Variants in EPC1 observed in about 807,000 individuals in gnomAD.
EPC1 encodes enhancer of polycomb homolog 1.
In EPC1, 12 loss-of-function variants were observed where a neutral mutation model predicts 98.4. The ratio of observed to expected loss-of-function variants is 0.12; its 90% CI spans 0.08 to 0.20. The LOEUF is 0.20. Among genes scored for constraint, EPC1 ranks in the 10% least tolerant of loss-of-function variants. The pLI is 1.00. For synonymous variants in EPC1, 357 were observed against 363.9 expected (o/e 0.98, Z 0.21); for missense variants, 729 against 990.5 (o/e 0.74, Z 3.54).
intron 1 of EPC1, among the ~76,000 whole-genome samples, chr10:32,323,132 T>A (rs961260734): frequency 2.0e-5 from 3 of 152,144 alleles, no homozygotes; most frequent in Non-Finnish European, 4.4e-5. Context: ...GTATCCATAA[T>A]TTTTTTAAAA....
At chr10:32,338,354 C>T (rs921452304) in intron 1 of EPC1, among the ~76,000 whole-genome samples, 2 of 152,176 alleles carry the variant, frequency 1.3e-5, no homozygotes, top group Non-Finnish European at 2.9e-5. Flanking sequence ...CTAGCACCAA[C>T]CCTACTTAAA....
Position 32,301,344 on chromosome 10 carries a change from G to T in EPC1, c.313+4428C>A, listed in dbSNP as rs1417294497. On this transcript the variant is annotated intron_variant, in intron 2 of 13. Transcript: ENST00000319778. Reference sequence around the variant, plus strand: ...TGACCTGGAAGATTCACATAGAAAAGATGTCAGTTCTCTCTAAATTGACCT... The same window carrying T: ...TGACCTGGAAGATTCACATAGAAAATATGTCAGTTCTCTCTAAATTGACCT... Among the ~76,000 whole-genome samples, 12 of 152,282 alleles carry T rather than the reference G, an allele frequency of 7.9e-5. No homozygotes were observed. In the East Asian group the frequency reaches 1.7e-3, roughly 22 times the overall value.
At chr10:32,337,516 T>C (rs1377211443) in intron 1 of EPC1, among the ~76,000 whole-genome samples, 1 of 152,152 alleles carries the variant, frequency 6.6e-6, no homozygotes, top group African/African-American at 2.4e-5. Flanking sequence ...CTGAATTCTG[T>C]TTCTTCAACT....
intron 1 of EPC1, among the ~76,000 whole-genome samples, chr10:32,314,677 A>T (rs1485170566): frequency 1.3e-5 from 2 of 152,232 alleles, no homozygotes; most frequent in Non-Finnish European, 2.9e-5. Flanking sequence ...CTAACACAAA[A>T]GGGTAAGCCT....
chr10:32,369,015 G>T (rs1048336617), intron 1 of EPC1, among the ~76,000 whole-genome samples: 1 of 152,334 alleles, frequency 6.6e-6, no homozygotes, highest in East Asian at 1.9e-4. Context: ...TGTACTTCAA[G>T]TGTTCTCCTA....
At chr10:32,279,141 G>A (rs1363806922) in intron 10 of EPC1, among the ~76,000 whole-genome samples, 1 of 152,042 alleles carries the variant, frequency 6.6e-6, no homozygotes, top group African/African-American at 2.4e-5. Context: ...ACAAGGTCAG[G>A]AGTTCGAGAC....
chr10:32,360,173 T>C (rs1839402161), intron 1 of EPC1, among the ~76,000 whole-genome samples: 1 of 152,264 alleles, frequency 6.6e-6, no homozygotes. Context: ...TTAGTAATTT[T>C]GTATCATTCC....
At chr10:32,367,704 T>G (rs1423730079) in intron 1 of EPC1, among the ~76,000 whole-genome samples, 2 of 152,234 alleles carry the variant, frequency 1.3e-5, no homozygotes, top group Admixed American at 6.5e-5. Context: ...AATTGAAATG[T>G]ACACATTTGT....
intron 1 of EPC1, among the ~76,000 whole-genome samples, chr10:32,363,356 C>T (rs1214067302): frequency 6.6e-6 from 1 of 152,216 alleles, no homozygotes; most frequent in Non-Finnish European, 1.5e-5. Flanking sequence ...ACTGGGACCG[C>T]AAGCTTGAGC....
At chr10:32,376,879 G>C (rs927667827) in intron 1 of EPC1, among the ~76,000 whole-genome samples, 1 of 151,964 alleles carries the variant, frequency 6.6e-6, no homozygotes, top group African/African-American at 2.4e-5. Context: ...AAAAAAATAC[G>C]CTTTAGGGTT....
In EPC1 at chr10:32,346,877, G is replaced by C. The variant is rs752122626; in HGVS notation, c.39C>G (p.Ala13=). ...AGCGGAAAACCGGCAGCGGCTTCGA[G>C]GCGTCTAGCGCCCGCGCCCGAAACG... The part of the protein sequence containing the change: ...KLSFRARALD[A]SKPLPVFRCE... Residue 13 remains alanine (A), a synonymous_variant, in exon 1 of 14, where the codon GCC becomes GCG. Coordinates refer to ENST00000319778, the MANE Select transcript of EPC1 (RefSeq NM_001272004.3). 4 of 1,614,004 alleles carry C rather than the reference G, an allele frequency of 2.5e-6. No individual in the cohort carries two copies. Among genetic ancestry groups the C allele is most frequent in the East Asian group, 4.5e-5 (2 of 44,870 alleles).
rs114356092 is a variant in EPC1, at chr10:32,328,662, A to T, written c.153+18101T>A. Among the ~76,000 whole-genome samples, 524 of 152,296 alleles carry T rather than the reference A, an allele frequency of 3.4e-3. 6 individuals are homozygous for T. The highest frequency in any genetic ancestry group is 0.012 in the African/African-American group (517 of 41,560). On this transcript the variant is annotated intron_variant, in intron 1 of 13. Transcript: ENST00000319778. Reference sequence around the variant, plus strand: ...TGGCCTGGGGAGTTCCCCACCAGGGAGCAGACCTAGTGCTGAAACCAGCAC... The same window carrying T: ...TGGCCTGGGGAGTTCCCCACCAGGGTGCAGACCTAGTGCTGAAACCAGCAC...
At chr10:32,349,190 A>G, upstream of EPC1, among the ~76,000 whole-genome samples, 1 of 152,226 alleles carries the variant, frequency 6.6e-6, no homozygotes. Context: ...TAGCAGTAGA[A>G]TTCATAATTG....
Position 32,286,747 on chromosome 10 carries a change from G to A in EPC1, c.1338C>T (p.Thr446=), listed in dbSNP as rs771837672. Reference sequence around the variant, plus strand: ...CAAATCCAATACACCTTTGGGGTACGGTGAGAGTAGTTAAGCAGTATCTAT... The same window carrying A: ...CAAATCCAATACACCTTTGGGGTACAGTGAGAGTAGTTAAGCAGTATCTAT... ...VRYRYCLTTL[T]VPQRCIGFAR... Residue 446 remains threonine, a synonymous_variant, in exon 9 of 14, where the codon ACC becomes ACT. Coordinates refer to ENST00000319778, the MANE Select transcript of EPC1 (RefSeq NM_001272004.3). 56 of 1,613,870 alleles carry A rather than the reference G, an allele frequency of 3.5e-5. No homozygotes were observed. Among genetic ancestry groups the A allele is most frequent in the Non-Finnish European group, 4.3e-5 (51 of 1,180,016 alleles).
At chr10:32,339,431 G>A (rs1838189238) in intron 1 of EPC1, among the ~76,000 whole-genome samples, 1 of 152,074 alleles carries the variant, frequency 6.6e-6, no homozygotes, top group Non-Finnish European at 1.5e-5. Flanking sequence ...TGTAGCCCCA[G>A]CTACTCAGGA....
Position 32,286,927 on chromosome 10 carries a change from G to A in EPC1, c.1241C>T (p.Ala414Val). 1 of 1,612,960 alleles carries A rather than the reference G, an allele frequency of 6.2e-7. No individual in the cohort carries two copies. ...FRRKAGCQYY[A>V]PHLDQTGNWP... ...TTACAAAGACACTCTGAAACTTACA[G>A]CATAGTACTGACAGCCTGCTTTCCT... is the stretch of plus-strand genomic sequence containing the variant. The change falls in exon 8 of 14, where the codon GCT (alanine) becomes GTT (valine). Residue 414 changes from alanine to valine, a missense_variant and splice_region_variant. By Grantham distance (64) the Ala-to-Val change is moderately conservative. Around this residue, in one of 6 missense-constraint regions of EPC1, gnomAD observed 390 missense variants for 438.6 expected, o/e 0.89. Coordinates refer to ENST00000319778, the MANE Select transcript of EPC1 (RefSeq NM_001272004.3).
At chr10:32,293,917 GA>G (rs1592558965) in intron 2 of EPC1, among the ~76,000 whole-genome samples, 180 bp from the exon 3 acceptor site, 1 of 152,130 alleles carries the variant, frequency 6.6e-6, no homozygotes, top group Non-Finnish European at 1.5e-5. Flanking sequence ...TAAAGTTAAA[GA>G]AAGGAGATTA....
At chr10:32,354,670 T>G (rs750252034) in intron 1 of EPC1, among the ~76,000 whole-genome samples, 10 of 151,978 alleles carry the variant, frequency 6.6e-5, no homozygotes, top group Non-Finnish European at 5.9e-5. Context: ...TGTATTGGGA[T>G]TTACACATTT....
intron 2 of EPC1, among the ~76,000 whole-genome samples, chr10:32,300,720 C>T (rs1383538102): frequency 6.6e-6 from 1 of 152,142 alleles, no homozygotes; most frequent in Non-Finnish European, 1.5e-5. Context: ...AAGTGTGAGC[C>T]ACCGCGTCCC....
Sources: allele counts gnomAD v4.1 joint callset (sites outside exome capture counted in the v4.1 genomes callset), GRCh38; gene constraint gnomAD v4.1.1; regional missense constraint gnomAD v4.1.1; transcripts MANE v1.5; gene names NCBI Gene and HGNC (gene_info 2026-07-23, HGNC 2026-07-21).